The following INPP4B variants were observed in gnomAD, a reference collection of about 807,000 sequenced individuals.
The protein encoded by INPP4B is inositol polyphosphate 4-phosphatase type II.
In INPP4B, 55 loss-of-function variants were observed where a neutral mutation model predicts 122.5. That is an observed-to-expected ratio of 0.45 (90% confidence interval 0.36 to 0.56). The LOEUF is 0.56. INPP4B is among the 20% of genes least tolerant of loss of function. INPP4B has a pLI of 0.00. For synonymous variants in INPP4B, 403 were observed against 388.7 expected, an observed-to-expected ratio of 1.04 and a Z score of -0.43; for missense variants, 1,000 against 1,097.7, an observed-to-expected ratio of 0.91 and a Z score of 1.26.
chr4:142,258,442 G>A (rs900407216), intron 11 of INPP4B, among the ~76,000 whole-genome samples: 21 of 152,142 alleles, frequency 1.4e-4, no homozygotes, highest in East Asian at 5.8e-4. Context: ...GAAAATTTTC[G>A]CAACCTACTC....
At chr4:142,283,681 A>G (rs920359732) in intron 9 of INPP4B, among the ~76,000 whole-genome samples, 1 of 152,178 alleles carries the variant, frequency 6.6e-6, no homozygotes, top group Non-Finnish European at 1.5e-5. Context: ...CAGAGCAAAA[A>G]TATGGTGTTA....
rs967716477 is a variant in INPP4B, at chr4:142,837,215, A to G, written c.-254+8994T>C. On this transcript the variant is annotated intron_variant, in intron 1 of 25. Transcript: ENST00000262992. ...GGAAAACCAAGGTCTCAATATGCAA[A>G]CAGGTTAAAGATATGAATTAGCACT... Among the ~76,000 whole-genome samples the G allele has an allele frequency of 4.0e-5, 6 of 151,584 alleles. No individual in the cohort carries two copies. The South Asian group carries it at 1.2e-3, about 31-fold the overall frequency.
At chr4:142,725,270 A>G (rs1765196561) in intron 2 of INPP4B, among the ~76,000 whole-genome samples, 1 of 152,180 alleles carries the variant, frequency 6.6e-6, no homozygotes, top group South Asian at 2.1e-4. Context: ...GCATCTGTTA[A>G]GTATAATCAG....
chr4:142,387,226 G>A (rs1378674651), intron 7 of INPP4B, among the ~76,000 whole-genome samples: 2 of 152,030 alleles, frequency 1.3e-5, no homozygotes, highest in Non-Finnish European at 2.9e-5. Flanking sequence ...GGGGATTTTT[G>A]TGCTCTACCC....
At chr4:142,593,505 C>A (rs1320863975) in intron 2 of INPP4B, among the ~76,000 whole-genome samples, 2 of 152,122 alleles carry the variant, frequency 1.3e-5, no homozygotes, top group Non-Finnish European at 1.5e-5. Flanking sequence ...ATTTTCTCAT[C>A]TCACTTTCCT....
intron 2 of INPP4B, among the ~76,000 whole-genome samples, chr4:142,568,651 C>T (rs569908540): frequency 1.3e-5 from 2 of 152,070 alleles, no homozygotes; most frequent in South Asian, 4.1e-4. Flanking sequence ...TTTGCCATCA[C>T]TGATATATTG....
intron 2 of INPP4B, among the ~76,000 whole-genome samples, chr4:142,579,046 A>C (rs576684967): frequency 1.3e-5 from 2 of 152,044 alleles, no homozygotes; most frequent in Non-Finnish European, 2.9e-5. Context: ...TGCTAAACCT[A>C]ACATGTTAAA....
At chr4:142,402,066 A>AAGG (rs1422833135) in intron 7 of INPP4B, among the ~76,000 whole-genome samples, 7 of 152,162 alleles carry the variant, frequency 4.6e-5, no homozygotes, top group Admixed American at 6.5e-5. Flanking sequence ...TTCCCTATAC[A>AAGG]AGGCACTGTG....
chr4:142,573,090 G>C (rs963736375), intron 2 of INPP4B, among the ~76,000 whole-genome samples: 1 of 152,010 alleles, frequency 6.6e-6, no homozygotes, highest in East Asian at 1.9e-4. Flanking sequence ...TCATGGCAGA[G>C]GGGTGAAGGG....
At chr4:142,351,568 A>G (rs934615711) in intron 7 of INPP4B, among the ~76,000 whole-genome samples, 2 of 152,108 alleles carry the variant, frequency 1.3e-5, no homozygotes, top group Admixed American at 1.3e-4. Context: ...AAAACCTGGG[A>G]CTTGGACTCA....
intron 12 of INPP4B, among the ~76,000 whole-genome samples, chr4:142,209,588 T>G (rs1331385043): frequency 1.3e-5 from 2 of 150,428 alleles, no homozygotes; most frequent in Non-Finnish European, 3.0e-5. Flanking sequence ...AGGTCAGGAG[T>G]TCAAGACCAG....
At chr4:142,309,351 G>GA (rs1282693708) in intron 8 of INPP4B, among the ~76,000 whole-genome samples, 1 of 151,712 alleles carries the variant, frequency 6.6e-6, no homozygotes, top group Non-Finnish European at 1.5e-5. Flanking sequence ...ATAAATTTTA[G>GA]AAAAAAAGAT....
rs1194791646 is a variant in INPP4B at position 142,123,394 on chromosome 4, A to C, written c.1915T>G (p.Phe639Val). 1 of 1,611,936 alleles carries C rather than the reference A, an allele frequency of 6.2e-7. No homozygotes were observed. Among genetic ancestry groups the C allele is most frequent in the Non-Finnish European group, 8.5e-7 (1 of 1,179,162 alleles). The stretch of plus-strand genomic sequence containing the variant: ...AGACTTGTCTGTAATTTGATGATAA[A>C]ACCACAAACCAATCCAGCAAGCTGA... ...SQALAGLVCG[F>V]IIKLQTSLYD... Residue 639 changes from phenylalanine to valine, a missense_variant, in exon 20 of 26, where the codon TTT (phenylalanine) becomes GTT (valine). Physicochemically the swap from Phe to Val is conservative, Grantham distance 50. Coordinates refer to ENST00000262992, the MANE Select transcript of INPP4B (RefSeq NM_001101669.3).
At chr4:142,122,380 A>G (rs1578984265) in intron 20 of INPP4B, 135 bp from the exon 21 acceptor site, 3 of 676,150 alleles carry the variant, frequency 4.4e-6, no homozygotes, top group Non-Finnish European at 7.8e-6. Context: ...TACTCTAGAC[A>G]CTTTTCCTCA....
chr4:142,078,753 T>A (rs893374022), intron 25 of INPP4B, among the ~76,000 whole-genome samples: 20 of 152,048 alleles, frequency 1.3e-4, no homozygotes, highest in Non-Finnish European at 2.2e-4. Flanking sequence ...AAGAGTGATA[T>A]GATAACCTTG....
At chr4:142,548,148 A>T (rs1303759187) in intron 2 of INPP4B, among the ~76,000 whole-genome samples, 1 of 152,178 alleles carries the variant, frequency 6.6e-6, no homozygotes, top group Non-Finnish European at 1.5e-5. Context: ...ACTTCTGTAC[A>T]ATAGAGGCAG....
chr4:142,066,873 C>A (rs1212258132), intron 25 of INPP4B, among the ~76,000 whole-genome samples: 4 of 152,248 alleles, frequency 2.6e-5, no homozygotes, highest in Admixed American at 1.3e-4. Flanking sequence ...GCCTGCCTGT[C>A]TCTGCAGACT....
At chr4:142,036,434 C>A (rs994790018) in intron 25 of INPP4B, among the ~76,000 whole-genome samples, 1 of 152,038 alleles carries the variant, frequency 6.6e-6, no homozygotes, top group African/African-American at 2.4e-5. Flanking sequence ...TAGAGAAATA[C>A]ACTTTCTCAG....
chr4:142,217,080 T>G (rs1847600098), intron 12 of INPP4B, among the ~76,000 whole-genome samples: 1 of 152,184 alleles, frequency 6.6e-6, no homozygotes, highest in African/African-American at 2.4e-5. Context: ...GCTCCAATTA[T>G]ATCCCTTTAA....
Sources: allele counts gnomAD v4.1 joint callset (sites outside exome capture counted in the v4.1 genomes callset), GRCh38; gene constraint gnomAD v4.1.1; transcripts MANE v1.5; gene names NCBI Gene and HGNC (gene_info 2026-07-23, HGNC 2026-07-21).